Variants in ABL1 observed in about 807,000 individuals in gnomAD.
ABL1 encodes the protein tyrosine-protein kinase ABL1.
In ABL1, 11 loss-of-function variants were observed where a neutral mutation model predicts 94.7. The ratio of observed to expected loss-of-function variants is 0.12; its 90% CI spans 0.07 to 0.19. The LOEUF (loss-of-function observed/expected upper bound fraction) is 0.19, where lower values mean the gene tolerates loss of function less well. Ranked by LOEUF, ABL1 falls within the 10% of genes least tolerant of loss-of-function variation. ABL1 has a pLI of 1.00. For missense variants in ABL1, 1,082 were observed against 1,489.4 expected, an observed-to-expected ratio of 0.73 and a Z score of 4.50; for synonymous variants, 656 against 622.4, an observed-to-expected ratio of 1.05 and a Z score of -0.80.
At chr9:130,744,660 G>T (rs1831862138) in intron 1 of ABL1, among the ~76,000 whole-genome samples, 1 of 150,440 alleles carries the variant, frequency 6.6e-6, no homozygotes, top group East Asian at 2.0e-4. Context: ...AGACCATCCT[G>T]GCTAATGTGA....
chr9:130,731,780 C>T (rs1831669752), intron 1 of ABL1, among the ~76,000 whole-genome samples: 1 of 152,100 alleles, frequency 6.6e-6, no homozygotes, highest in South Asian at 2.1e-4. Context: ...TATCAGCTTC[C>T]ATACCCAAAC....
At position 130,725,822 on chromosome 9, in the gene ABL1, T is replaced by TG. The variant is rs1303686638; in HGVS notation, c.136+11369dup. Among the ~76,000 whole-genome samples the TG allele has an allele frequency of 6.8e-5, 8 of 118,412 alleles. No homozygotes were observed. The East Asian group carries it at 1.3e-3, about 20-fold the overall frequency. The allele number at this position is 118,412 out of a possible 152,430, so 77.7% of individuals were successfully genotyped here. ...ATCTGTTGGTGGAACTTGTGTATGG[T>TG]GGTTTTTTTTTTTTTTTTTTTTTTT... On this transcript the variant is annotated intron_variant, in intron 1 of 10. Coordinates refer to the ABL1 transcript ENST00000372348.
intron 4 of ABL1, among the ~76,000 whole-genome samples, chr9:130,869,337 C>T (rs72765073): frequency 0.043 from 6,499 of 152,264 alleles, 264 homozygotes; most frequent in African/African-American, 0.098. Flanking sequence ...AAGCAAGCAC[C>T]GCTGAGTGAG....
At chr9:130,719,793 A>G (rs923229837) in intron 1 of ABL1, among the ~76,000 whole-genome samples, 1 of 152,154 alleles carries the variant, frequency 6.6e-6, no homozygotes, top group Non-Finnish European at 1.5e-5. Flanking sequence ...TCAGAAATGT[A>G]CGGTGTTGGA....
chr9:130,718,709 T>A (rs1281697636), intron 1 of ABL1, among the ~76,000 whole-genome samples: 1 of 152,128 alleles, frequency 6.6e-6, no homozygotes, highest in Non-Finnish European at 1.5e-5. Context: ...AAGAAGACCC[T>A]GTCTCTACAA....
intron 10 of ABL1, among the ~76,000 whole-genome samples, chr9:130,882,975 G>A (rs1433072765): frequency 6.6e-6 from 1 of 152,056 alleles, no homozygotes; most frequent in African/African-American, 2.4e-5. Context: ...AGGCTCCCGT[G>A]GCACAAGCTG....
Position 130,862,492 on chromosome 9 carries a change from A to T in ABL1, c.550-271A>T, listed in dbSNP as rs976507857. On this transcript the variant is annotated intron_variant, in intron 3 of 10. Coordinates refer to ENST00000318560, the MANE Select transcript of ABL1 (RefSeq NM_005157.6). The surrounding 1 kb of genome is among the most constrained non-coding windows in gnomAD (Gnocchi z 5.5). ...GGGAAGCGAGAACTGGGCACGGAAG[A>T]TGAGGGAGTGGGAGATTTCAGGCAG... Among the ~76,000 whole-genome samples, 12 of 152,148 alleles carry T rather than the reference A, an allele frequency of 7.9e-5. No individual in the cohort carries two copies. The highest frequency in any genetic ancestry group is 2.4e-4 in the African/African-American group (10 of 41,434).
chr9:130,797,236 GAAAAAAAAAAAAAA>G (rs71389356), intron 1 of ABL1, among the ~76,000 whole-genome samples: 1,342 of 55,276 alleles, frequency 0.024, 42 homozygotes, highest in African/African-American at 0.067. Flanking sequence ...ACTCCATCTC[GAAAAAAAAAAAAAA>G]AAAAAAAAAA....
At chr9:130,843,058 C>T (rs1037408673) in intron 1 of ABL1, among the ~76,000 whole-genome samples, 2 of 152,166 alleles carry the variant, frequency 1.3e-5, no homozygotes, top group Admixed American at 1.3e-4. Flanking sequence ...TGTTTTTCAA[C>T]TTTACTATCT....
intron 6 of ABL1, 152 bp from the exon 7 acceptor site, chr9:130,874,716 C>CTG (rs1389526368): frequency 1.3e-6 from 1 of 791,366 alleles, no homozygotes; most frequent in Non-Finnish European, 2.0e-6. Flanking sequence ...GAGGCTGGCA[C>CTG]TGTGTTAATT....
intron 1 of ABL1, among the ~76,000 whole-genome samples, chr9:130,829,321 G>A (rs1329869053): frequency 6.6e-6 from 1 of 152,166 alleles, no homozygotes; most frequent in Non-Finnish European, 1.5e-5. Flanking sequence ...AGCACTTTGG[G>A]AGGCCGAGGC....
At position 130,883,495 on chromosome 9, in the gene ABL1, CAAA is replaced by C. The variant is rs796536168; in HGVS notation, c.1679-461_1679-459del. Among the ~76,000 whole-genome samples, 508 of 122,270 alleles carry C rather than the reference CAAA, an allele frequency of 4.2e-3. 4 individuals carry two copies. Among genetic ancestry groups the C allele is most frequent in the Middle Eastern group, 8.8e-3 (2 of 228 alleles). The allele number at this position is 122,270 out of a possible 152,430, so 80.2% of individuals were successfully genotyped here. A position where few individuals can be genotyped will look rare whatever the true frequency, so the allele number is the denominator to read the frequency against. On this transcript the variant is annotated intron_variant, in intron 10 of 10. Coordinates refer to ENST00000318560, the MANE Select transcript of ABL1 (RefSeq NM_005157.6). ...GTAGGCAACAAGCGAGACTCCAACT[CAAA>C]AAAAAAAAAAAACCACACACACGCT...
At chr9:130,719,402 G>A (rs1831487550) in intron 1 of ABL1, among the ~76,000 whole-genome samples, 1 of 152,052 alleles carries the variant, frequency 6.6e-6, no homozygotes, top group Admixed American at 6.6e-5. Flanking sequence ...GGTTGCAGGT[G>A]CCTGTAGTCC....
chr9:130,784,729 T>C (rs1262017021), intron 1 of ABL1, among the ~76,000 whole-genome samples: 1 of 152,228 alleles, frequency 6.6e-6, no homozygotes, highest in Non-Finnish European at 1.5e-5. Context: ...CAGGGAACTG[T>C]CCTTGCTTCC....
chr9:130,882,843 AT>A (rs1344763337), intron 10 of ABL1, among the ~76,000 whole-genome samples: 1 of 152,064 alleles, frequency 6.6e-6, no homozygotes, highest in Non-Finnish European at 1.5e-5. Context: ...TACCAGAAAG[AT>A]TTCTTATGAG....
intron 1 of ABL1, among the ~76,000 whole-genome samples, chr9:130,777,317 C>T (rs2855175): frequency 0.012 from 1,852 of 152,348 alleles, 13 homozygotes; most frequent in Non-Finnish European, 0.018. Flanking sequence ...TGGGGTTGTC[C>T]ATTGGCTGGT....
rs1194832601 is a variant in ABL1 at position 130,884,008 on chromosome 9, C to T, written c.1718C>T (p.Pro573Leu). The change falls in exon 11 of 11, where the codon CCT (proline) becomes CTT (leucine). Residue 573 changes from proline (P) to leucine (L), a missense_variant. Transcript: ENST00000318560. The surrounding 1 kb of genome is among the most constrained non-coding windows in gnomAD (Gnocchi z 5.6). ...DHEPAVSPLLPRKERGPPEGG... is the reference protein window; with the variant it reads ...DHEPAVSPLLLRKERGPPEGG... ...GAGCCTGCCGTGTCTCCATTGCTCC[C>T]TCGAAAAGAGCGAGGTCCCCCGGAG... The T allele has an allele frequency of 2.5e-6, 4 of 1,613,568 alleles. No individual in the cohort carries two copies. Among genetic ancestry groups the T allele is most frequent in the Non-Finnish European group, 2.5e-6 (3 of 1,180,002 alleles).
chr9:130,863,971 C>T lies in ABL1; in HGVS notation c.822+936C>T, dbSNP rs1442496114. On this transcript the variant is annotated intron_variant, in intron 4 of 10. Coordinates refer to ENST00000318560, the MANE Select transcript of ABL1 (RefSeq NM_005157.6). This position sits in a 1 kb window ranked among gnomAD's most constrained non-coding sequence, Gnocchi z 4.3. ...ATGTGTCTCAGAAGTCAGGTGCACA[C>T]ATTGAGACTGGTGCAGCCACATGCC... Among the ~76,000 whole-genome samples, 1 of 152,204 alleles carries T rather than the reference C, an allele frequency of 6.6e-6. No homozygotes were observed. Among genetic ancestry groups the T allele is most frequent in the Admixed American group, 6.5e-5 (1 of 15,284 alleles).
Position 130,862,861 on chromosome 9 carries a change from A to G in ABL1, c.648A>G (p.Pro216=). 1 of 1,613,964 alleles carries G rather than the reference A, an allele frequency of 6.2e-7. No individual in the cohort carries two copies. Among genetic ancestry groups the G allele is most frequent in the Non-Finnish European group, 8.5e-7 (1 of 1,179,996 alleles). The part of the protein sequence containing the change: ...ADGLITTLHY[P]APKRNKPTVY... ...GGCTCATCACCACGCTCCATTATCCAGCCCCAAAGCGCAACAAGCCCACTG... is the reference window on the plus strand; with the variant it reads ...GGCTCATCACCACGCTCCATTATCCGGCCCCAAAGCGCAACAAGCCCACTG... The change falls in exon 4 of 11, where the codon CCA becomes CCG. Residue 216 remains proline (P), a synonymous_variant. Coordinates refer to ENST00000318560, the MANE Select transcript of ABL1 (RefSeq NM_005157.6). This position sits in a 1 kb window ranked among gnomAD's most constrained non-coding sequence, Gnocchi z 5.5.
Sources: gnomAD v4.1 joint callset for allele counts (sites outside exome capture counted in the v4.1 genomes callset) on GRCh38, gnomAD v4.1.1 for gene constraint, Gnocchi (gnomAD v3.1) non-coding constraint, MANE v1.5 for transcripts, NCBI Gene and HGNC (gene_info 2026-07-23, HGNC 2026-07-21) for gene names.